Variants in NTRK3 observed in about 807,000 individuals in gnomAD.
The protein encoded by NTRK3 is neurotrophic receptor tyrosine kinase 3.
In NTRK3, 24 loss-of-function variants were observed where a neutral mutation model predicts 91.7. The observed-to-expected ratio is 0.26, with a 90% CI of 0.19 to 0.37. The LOEUF is 0.37. Ranked by LOEUF, NTRK3 falls within the 10% of genes least tolerant of loss-of-function variation. The pLI is 1.00. For missense variants in NTRK3, 880 were observed against 1,068.9 expected, an observed-to-expected ratio of 0.82 and a Z score of 2.46; for synonymous variants, 483 against 404.0, an observed-to-expected ratio of 1.20 and a Z score of -2.34.
At chr15:87,997,589 AG>A (rs1479118574) in intron 14 of NTRK3, among the ~76,000 whole-genome samples, 1 of 152,204 alleles carries the variant, frequency 6.6e-6, no homozygotes, top group Admixed American at 6.5e-5. Context: ...TCTCTTTGGC[AG>A]ATCATATACT....
intron 14 of NTRK3, among the ~76,000 whole-genome samples, chr15:88,011,084 G>C (rs1015057744): frequency 3.3e-5 from 5 of 152,104 alleles, no homozygotes; most frequent in Non-Finnish European, 7.4e-5. Context: ...TTCTTATCCA[G>C]TATTATCTTC....
At chr15:88,253,855 A>G (rs927566506) in intron 3 of NTRK3, among the ~76,000 whole-genome samples, 4 of 152,128 alleles carry the variant, frequency 2.6e-5, no homozygotes, top group Admixed American at 6.5e-5. Context: ...AGGCCACCCC[A>G]GTCCCCTCCC....
At chr15:87,881,842 T>C (rs33964688) in intron 17 of NTRK3, among the ~76,000 whole-genome samples, 6,520 of 152,278 alleles carry the variant, frequency 0.043, 202 homozygotes, top group Admixed American at 0.082. Flanking sequence ...CCTTAACCAC[T>C]TGAAGAATTT....
At chr15:87,866,204 G>A in exon 19 of NTRK3, 1 of 221,330 alleles carries the variant, frequency 4.5e-6, no homozygotes, top group Non-Finnish European at 9.1e-6. Flanking sequence ...ATAGAAATGT[G>A]CAAGTTCTCT....
At chr15:87,981,294 G>T in intron 14 of NTRK3, 1 of 1,591,244 alleles carries the variant, frequency 6.3e-7, no homozygotes, top group Non-Finnish European at 8.6e-7. Flanking sequence ...GTGAGTTGAT[G>T]GGACTAGATG....
intron 14 of NTRK3, among the ~76,000 whole-genome samples, chr15:87,956,369 G>C (rs940591887): frequency 2.0e-5 from 3 of 152,150 alleles, no homozygotes; most frequent in African/African-American, 7.2e-5. Flanking sequence ...TGCCTCCCAG[G>C]TTCAAGCGTT....
intron 14 of NTRK3, among the ~76,000 whole-genome samples, chr15:87,963,546 T>C (rs186929395): frequency 1.2e-3 from 180 of 152,382 alleles, no homozygotes; most frequent in Non-Finnish European, 2.1e-3. Flanking sequence ...TGGTATTCCA[T>C]AAATTACATG....
chr15:88,137,711 TG>T, intron 6 of NTRK3, 150 bp from the exon 7 acceptor site: 1 of 799,716 alleles, frequency 1.3e-6, no homozygotes, highest in Non-Finnish European at 2.0e-6. Context: ...GAAAAATCCT[TG>T]TAAGTCCATA....
intron 13 of NTRK3, among the ~76,000 whole-genome samples, chr15:88,057,682 C>T (rs928013970): frequency 6.6e-6 from 1 of 152,154 alleles, no homozygotes; most frequent in African/African-American, 2.4e-5. Flanking sequence ...CAGTGCCTTC[C>T]AGTGCCCTGC....
chr15:88,107,129 A>T (rs2050802013), intron 13 of NTRK3, among the ~76,000 whole-genome samples: 1 of 152,000 alleles, frequency 6.6e-6, no homozygotes, highest in Non-Finnish European at 1.5e-5. Context: ...TTATATAATG[A>T]ATATATATTC....
intron 14 of NTRK3, among the ~76,000 whole-genome samples, chr15:88,013,961 A>T (rs2077057320): frequency 6.6e-6 from 1 of 152,212 alleles, no homozygotes; most frequent in South Asian, 2.1e-4. Context: ...TTAAAAAAAG[A>T]CTTAAGATAG....
chr15:88,173,183 G>A lies in NTRK3; in HGVS notation c.395+10235C>T, dbSNP rs187944793. Among the ~76,000 whole-genome samples the A allele has an allele frequency of 1.2e-3, 188 of 152,258 alleles. 1 individual carries two copies. The highest frequency in any genetic ancestry group is 3.1e-3 in the South Asian group (15 of 4,826). ...GGGCTGGGATATGGAAAGAATGCGG[G>A]GACCCAGGCACACCTACAGAAATAG... On this transcript the variant is annotated intron_variant, in intron 5 of 18. Coordinates refer to ENST00000394480, the Ensembl canonical transcript of NTRK3.
intron 13 of NTRK3, among the ~76,000 whole-genome samples, chr15:88,105,561 C>A (rs567139700): frequency 6.6e-6 from 1 of 152,302 alleles, no homozygotes; most frequent in African/African-American, 2.4e-5. Flanking sequence ...ACTAGTTCCA[C>A]ATACGCTGCT....
chr15:88,012,954 G>A lies in NTRK3; in HGVS notation c.1585+19903C>T, dbSNP rs141985248. ...TGCTGCTGGTCTGCACACCACACTT[G>A]GATAACCCCTGACTTCGAAGAACAA... is the stretch of plus-strand genomic sequence containing the variant. On this transcript the variant is annotated intron_variant, in intron 14 of 18. Transcript: ENST00000394480. Among the ~76,000 whole-genome samples, 700 of 152,244 alleles carry A rather than the reference G, an allele frequency of 4.6e-3. 3 individuals carry two copies. Among genetic ancestry groups the A allele is most frequent in the Admixed American group, 6.7e-3 (102 of 15,286 alleles).
chr15:87,904,154 ATTTT>A (rs11385386), intron 17 of NTRK3, among the ~76,000 whole-genome samples: 1 of 142,760 alleles, frequency 7.0e-6, no homozygotes, highest in African/African-American at 2.6e-5. Context: ...TACAATAAGC[ATTTT>A]TTTTTTTTTT....
intron 14 of NTRK3, among the ~76,000 whole-genome samples, chr15:87,982,435 G>T (rs1222368519): frequency 6.6e-6 from 1 of 152,132 alleles, no homozygotes; most frequent in Non-Finnish European, 1.5e-5. Flanking sequence ...TACCCACCAG[G>T]GGCCCACAGA....
intron 12 of NTRK3, among the ~76,000 whole-genome samples, chr15:88,126,641 GCAAAAA>G (rs1241027051): frequency 6.6e-6 from 1 of 152,174 alleles, no homozygotes; most frequent in Admixed American, 6.5e-5. Context: ...TCTAACAGAT[GCAAAAA>G]CAAGCCTAGA....
At chr15:88,184,003 C>T (rs2046745396) in intron 4 of NTRK3, among the ~76,000 whole-genome samples, 1 of 152,178 alleles carries the variant, frequency 6.6e-6, no homozygotes, top group Non-Finnish European at 1.5e-5. Context: ...ACACAACCCC[C>T]TTGCCTCTCT....
chr15:88,138,287 G>C (rs1364959004), intron 6 of NTRK3, among the ~76,000 whole-genome samples: 2 of 151,882 alleles, frequency 1.3e-5, no homozygotes, highest in African/African-American at 4.8e-5. Context: ...GTGGGCACCT[G>C]CAGTCCCAGC....
Sources: allele counts gnomAD v4.1 joint callset (sites outside exome capture counted in the v4.1 genomes callset), GRCh38; gene constraint gnomAD v4.1.1; transcripts MANE v1.5; gene names NCBI Gene and HGNC (gene_info 2026-07-23, HGNC 2026-07-21).